Variants in ADGRD1 observed in about 807,000 individuals in gnomAD.
The protein encoded by ADGRD1 is G-protein coupled receptor 133.
In ADGRD1, 77 loss-of-function variants were observed where a neutral mutation model predicts 113.4. The ratio of observed to expected loss-of-function variants is 0.68; its 90% CI spans 0.57 to 0.82. The LOEUF (loss-of-function observed/expected upper bound fraction) is 0.82. Among genes scored for constraint, ADGRD1 ranks in the 40% least tolerant of loss-of-function variants. ADGRD1 has a pLI of 0.00. For missense variants in ADGRD1, 1,036 were observed against 1,139.1 expected, an observed-to-expected ratio of 0.91 and a Z score of 1.30; for synonymous variants, 474 against 475.0, an observed-to-expected ratio of 1.00 and a Z score of 0.03.
At chr12:131,018,206 T>C (rs1328465089) in intron 13 of ADGRD1, among the ~76,000 whole-genome samples, 2 of 151,982 alleles carry the variant, frequency 1.3e-5, no homozygotes. Flanking sequence ...AGCCCCCTCC[T>C]CTCCCACTCC....
At chr12:131,068,183 C>T (rs1354167281) in intron 13 of ADGRD1, among the ~76,000 whole-genome samples, 2 of 152,204 alleles carry the variant, frequency 1.3e-5, no homozygotes, top group Non-Finnish European at 1.5e-5. Flanking sequence ...GAATCCCGGA[C>T]AGGCAGAGGT....
chr12:131,131,609 C>A, intron 20 of ADGRD1, 116 bp from the exon 21 acceptor site: 1 of 687,876 alleles, frequency 1.5e-6, no homozygotes, highest in Non-Finnish European at 2.5e-6. Flanking sequence ...CCCTGTGTCC[C>A]AGGAGCCCTG....
intron 14 of ADGRD1, among the ~76,000 whole-genome samples, chr12:131,077,602 C>G (rs533844818): frequency 1.6e-4 from 25 of 152,166 alleles, no homozygotes; most frequent in Admixed American, 1.6e-3. Flanking sequence ...CCCGCAGGGC[C>G]GGGGAGTGGA....
intron 4 of ADGRD1, 126 bp from the exon 5 acceptor site, chr12:130,981,758 A>C: frequency 1.5e-6 from 1 of 663,810 alleles, no homozygotes; most frequent in Non-Finnish European, 2.7e-6. Context: ...AACTGAACAT[A>C]CACTGCCTTT....
intron 13 of ADGRD1, among the ~76,000 whole-genome samples, chr12:131,046,082 G>A (rs1209580853): frequency 4.8e-5 from 7 of 145,994 alleles, no homozygotes; most frequent in South Asian, 2.2e-4. Context: ...CCCGGTCAGC[G>A]TCCTCCCTGG....
Position 131,041,479 on chromosome 12 carries a change from C to A in ADGRD1, c.1473+27139C>A, listed in dbSNP as rs1035384451. On this transcript the variant is annotated intron_variant, in intron 13 of 24. Coordinates refer to ENST00000261654, the MANE Select transcript of ADGRD1 (RefSeq NM_198827.5). The surrounding 1 kb of genome is among the most constrained non-coding windows in gnomAD (Gnocchi z 4.4). ...CCACCCTTGAGGGTATAACTAGTGA[C>A]CTTGGCAGGGAGACCGAGACCGAGA... Among the ~76,000 whole-genome samples the A allele has an allele frequency of 6.6e-6, 1 of 152,158 alleles. No homozygotes were observed. Among genetic ancestry groups the A allele is most frequent in the South Asian group, 2.1e-4 (1 of 4,822 alleles).
chr12:131,062,325 A>G (rs9668043), intron 13 of ADGRD1, among the ~76,000 whole-genome samples: 64,187 of 152,054 alleles, frequency 0.42, 13,809 homozygotes, highest in South Asian at 0.53. Context: ...TTGCCCACTG[A>G]AGGATGTTTT....
intron 20 of ADGRD1, among the ~76,000 whole-genome samples, chr12:131,130,167 C>G (rs958107057): frequency 6.6e-6 from 1 of 152,214 alleles, no homozygotes; most frequent in Non-Finnish European, 1.5e-5. Flanking sequence ...TGGACATGCT[C>G]TTTGTGCAGA....
intron 13 of ADGRD1, among the ~76,000 whole-genome samples, chr12:131,045,676 A>G (rs562772666): frequency 1.3e-4 from 20 of 152,156 alleles, no homozygotes; most frequent in Non-Finnish European, 2.5e-4. Context: ...GGAAGTCACC[A>G]TGCTGCCCAA....
At chr12:131,102,356 G>T (rs562533993) in intron 15 of ADGRD1, among the ~76,000 whole-genome samples, 2 of 152,292 alleles carry the variant, frequency 1.3e-5, no homozygotes, top group East Asian at 1.9e-4. Context: ...GGCAGCACCC[G>T]CCTGTTGAGG....
At chr12:131,125,790 C>T (rs1950725572) in intron 20 of ADGRD1, among the ~76,000 whole-genome samples, 2 of 152,206 alleles carry the variant, frequency 1.3e-5, no homozygotes, top group Admixed American at 1.3e-4. Flanking sequence ...ACATCATAGC[C>T]TAGCCTACCT....
chr12:131,028,550 T>G (rs1421862602), intron 13 of ADGRD1, among the ~76,000 whole-genome samples: 4 of 152,226 alleles, frequency 2.6e-5, no homozygotes. Context: ...CTGTGTTACC[T>G]GGAACATTTG....
chr12:130,969,608 C>T, intron 3 of ADGRD1: 2 of 153,550 alleles, frequency 1.3e-5, no homozygotes, highest in Non-Finnish European at 2.9e-5. Flanking sequence ...AAGCTCAGGG[C>T]TCCCCCGATT....
chr12:131,000,772 G>A (rs991147676), intron 9 of ADGRD1, among the ~76,000 whole-genome samples: 7 of 150,436 alleles, frequency 4.7e-5, no homozygotes, highest in Non-Finnish European at 7.4e-5. Flanking sequence ...AAAAGAGAGA[G>A]AGAGAAAAGA....
rs992775091 is a variant in ADGRD1, at chr12:131,050,885, G to A, written c.1474-25916G>A. Among the ~76,000 whole-genome samples, 8 of 152,120 alleles carry A rather than the reference G, an allele frequency of 5.3e-5. No homozygotes were observed. Among genetic ancestry groups the A allele is most frequent in the Admixed American group, 2.0e-4 (3 of 15,278 alleles). ...GTTTGCATTCCTATGAGAATCAAAC[G>A]CCCGGCTGATCTGATAGGAGGGGAG... On this transcript the variant is annotated intron_variant, in intron 13 of 24. Transcript: ENST00000261654. The surrounding 1 kb of genome is among the most constrained non-coding windows in gnomAD (Gnocchi z 4.8).
intron 18 of ADGRD1, among the ~76,000 whole-genome samples, chr12:131,117,153 G>A (rs929822836): frequency 2.0e-4 from 30 of 152,212 alleles, no homozygotes; most frequent in Admixed American, 8.5e-4. Context: ...GAGTGTTTTC[G>A]TTGCAGAATG....
intron 4 of ADGRD1, among the ~76,000 whole-genome samples, chr12:130,975,948 C>T (rs550420813): frequency 6.6e-6 from 1 of 152,312 alleles, no homozygotes; most frequent in African/African-American, 2.4e-5. Flanking sequence ...ACCTTCCTCC[C>T]TCTGTGAATG....
At position 130,996,651 on chromosome 12, in the gene ADGRD1, CG is replaced by C. The variant is rs545606726; in HGVS notation, c.967-3726del. Among the ~76,000 whole-genome samples, 818 of 97,362 alleles carry C rather than the reference CG, an allele frequency of 8.4e-3. 24 individuals are homozygous for C. Among genetic ancestry groups the C allele is most frequent in the African/African-American group, 0.033 (760 of 23,360 alleles). 63.9% of individuals were successfully genotyped at this position (97,362 alleles called of 152,430 possible). A position where few individuals can be genotyped will look rare whatever the true frequency, so the allele number is the denominator to read the frequency against. The stretch of plus-strand genomic sequence containing the variant: ...CTCCCGGACGAGGCGGCTGGCCGGG[CG>C]GGGGGCTGACCCCCCCACCTCCCTC... On this transcript the variant is annotated intron_variant, in intron 8 of 24. Transcript: ENST00000261654.
Position 131,084,299 on chromosome 12 carries a change from G to T in ADGRD1, c.1548-241G>T, listed in dbSNP as rs1328303857. Among the ~76,000 whole-genome samples, 1 of 152,138 alleles carries T rather than the reference G, an allele frequency of 6.6e-6. No individual in the cohort carries two copies. The highest frequency in any genetic ancestry group is 1.9e-4 in the East Asian group (1 of 5,170). On this transcript the variant is annotated intron_variant, in intron 14 of 24. Transcript: ENST00000261654. This position sits in a 1 kb window ranked among gnomAD's most constrained non-coding sequence, Gnocchi z 4.5. ...CAGCTCCCCCTTCCCTGTCCCAGAG[G>T]GAGGGCCTTGCTTCCTGTGGCCTGA...
Sources: gnomAD v4.1 joint callset for allele counts (sites outside exome capture counted in the v4.1 genomes callset) on GRCh38, gnomAD v4.1.1 for gene constraint, Gnocchi (gnomAD v3.1) non-coding constraint, MANE v1.5 for transcripts, NCBI Gene and HGNC (gene_info 2026-07-23, HGNC 2026-07-21) for gene names.